The following FAS variants were observed in gnomAD, a reference collection of about 807,000 sequenced individuals.
FAS encodes tumor necrosis factor receptor superfamily member 6.
In FAS, 5 loss-of-function variants were observed where a neutral mutation model predicts 33.2. That is an observed-to-expected ratio of 0.15 (90% CI 0.08 to 0.32). The LOEUF is 0.32. FAS is among the 10% of genes least tolerant of loss of function. FAS has a pLI of 1.00. For missense variants in FAS, 339 were observed against 386.0 expected, an observed-to-expected ratio of 0.88 and a Z score of 1.02; for synonymous variants, 131 against 130.7, an observed-to-expected ratio of 1.00 and a Z score of -0.01.
At chr10:89,012,283 T>C (rs1848572309) in intron 7 of FAS, 1 of 522,228 alleles carries the variant, frequency 1.9e-6, no homozygotes, top group Non-Finnish European at 3.5e-6. Flanking sequence ...GCTCAAGTGA[T>C]CCTCCTGCCT....
chr10:88,982,998 A>G (rs1846747792), upstream of FAS, among the ~76,000 whole-genome samples: 1 of 152,190 alleles, frequency 6.6e-6, no homozygotes. Flanking sequence ...TGGCATCAAC[A>G]TCACATGGGA....
chr10:88,994,409 T>G (rs543315684), intron 1 of FAS, among the ~76,000 whole-genome samples: 1 of 152,356 alleles, frequency 6.6e-6, no homozygotes, highest in African/African-American at 2.4e-5. Flanking sequence ...ACTATTTACT[T>G]ATGATGAAAA....
intron 1 of FAS, among the ~76,000 whole-genome samples, chr10:88,999,175 A>AAAAAG: frequency 9.6e-6 from 1 of 104,036 alleles, no homozygotes; most frequent in South Asian, 3.3e-4. Context: ...AAATAAATAA[A>AAAAAG]ATAAAATAAA....
intron 2 of FAS, 48 bp from the exon 3 acceptor site, chr10:89,007,652 A>G: frequency 1.2e-6 from 2 of 1,604,940 alleles, no homozygotes; most frequent in Non-Finnish European, 1.7e-6. Flanking sequence ...CCACCCTGTT[A>G]CCTGCCCGTG....
rs117347262 is a variant in FAS, at chr10:88,981,125, G to A, written n.260+7778G>A. 4.0e-3 allele frequency among the ~76,000 whole-genome samples: 615 copies of A among 152,282 alleles called. 4 individuals are homozygous for A. The highest frequency in any genetic ancestry group is 0.014 in the African/African-American group (583 of 41,578). ...GGCCCAGCAATATCCAAGAGAGAGC[G>A]GGGCCAGTCCACAGGGTGTTCAGTG... is the stretch of plus-strand genomic sequence containing the variant. On this transcript the variant is annotated intron_variant and non_coding_transcript_variant, in intron 2 of 3. Coordinates refer to the FAS transcript ENST00000688239.
At chr10:89,012,813 C>T (rs1848598613) in intron 7 of FAS, 1 of 153,448 alleles carries the variant, frequency 6.5e-6, no homozygotes, top group African/African-American at 2.4e-5. Flanking sequence ...TATGTCTCAC[C>T]ATATCTTTTC....
chr10:88,982,464 T>G (rs932178333), upstream of FAS, among the ~76,000 whole-genome samples: 2 of 151,910 alleles, frequency 1.3e-5, no homozygotes, highest in African/African-American at 4.8e-5. Context: ...AAGACATAAA[T>G]GGCAGAATAT....
At chr10:88,982,592 G>T (rs984517006), upstream of FAS, among the ~76,000 whole-genome samples, 4 of 152,204 alleles carry the variant, frequency 2.6e-5, no homozygotes, top group African/African-American at 9.7e-5. Flanking sequence ...GAGGGAGTCA[G>T]CAGGCTTCTA....
intron 2 of FAS, among the ~76,000 whole-genome samples, chr10:89,005,204 GAAA>G (rs1156694124): frequency 1.3e-5 from 2 of 149,050 alleles, no homozygotes; most frequent in Admixed American, 6.7e-5. Flanking sequence ...GGAGGGAGGA[GAAA>G]AAAAGAAAGA....
At chr10:89,010,671 A>G in intron 5 of FAS, 71 bp downstream of exon 5, 1 of 1,604,590 alleles carries the variant, frequency 6.2e-7, no homozygotes, top group Non-Finnish European at 8.5e-7. Context: ...AAAACCAATC[A>G]CTCTTGATTA....
Position 89,014,915 on chromosome 10 carries a change from T to G in FAS, c.*465T>G. The G allele has an allele frequency of 3.7e-6, 2 of 535,256 alleles. No individual in the cohort carries two copies. Among genetic ancestry groups the G allele is most frequent in the Non-Finnish European group, 7.2e-6 (2 of 277,054 alleles). 33.2% of individuals were successfully genotyped at this position (535,256 alleles called of 1,614,324 possible). A position where few individuals can be genotyped will look rare whatever the true frequency, so the allele number is the denominator to read the frequency against. On this transcript the variant is annotated 3_prime_UTR_variant, in exon 9 of 9. Transcript: ENST00000652046. ...ATTACCTCTGATAATTCTAGAGATT[T>G]TACCATATTTCTAAACTTTGTTTAT... is the stretch of plus-strand genomic sequence containing the variant.
In FAS at chr10:89,016,679, C is replaced by T. The variant is rs1277660493; in HGVS notation, c.*2229C>T. On this transcript the variant is annotated 3_prime_UTR_variant, in exon 9 of 9. Coordinates refer to ENST00000652046, the MANE Select transcript of FAS (RefSeq NM_000043.6). ...TGACCCCACGGTCCAGAATCATCCT[C>T]ATTCTGGTGAACCTGGTTCTCTTTG... The T allele has an allele frequency of 4.0e-5, 9 of 223,846 alleles. No homozygotes were observed. Among genetic ancestry groups the T allele is most frequent in the East Asian group, 1.9e-4 (3 of 15,596 alleles). The allele number at this position is 223,846 out of a possible 1,614,324, so 13.9% of individuals were successfully genotyped here. A position where few individuals can be genotyped will look rare whatever the true frequency, so the allele number is the denominator to read the frequency against.
rs370162732 is a variant in FAS, at chr10:89,003,197, A to C, written c.196+3A>C. On this transcript the variant is annotated splice_donor_region_variant and intron_variant, in intron 2 of 8. Transcript: ENST00000652046. ...CTGCCATAAGCCCTGTCCTCCAGGT[A>C]TGTTACACAAAACATCCAGAGATTA... The C allele has an allele frequency of 2.5e-6, 4 of 1,613,958 alleles. No homozygotes were observed. The African/African-American group carries it at 5.3e-5, about 22-fold the overall frequency.
chr10:89,007,941 C>A, intron 3 of FAS, 104 bp downstream of exon 3: 1 of 1,555,082 alleles, frequency 6.4e-7, no homozygotes, highest in Non-Finnish European at 8.8e-7. Flanking sequence ...GCTATGTTGA[C>A]ACACAGGAAA....
chr10:89,003,695 A>G (rs1376498071), intron 2 of FAS, among the ~76,000 whole-genome samples: 1 of 152,250 alleles, frequency 6.6e-6, no homozygotes, highest in Non-Finnish European at 1.5e-5. Flanking sequence ...AGCAACAGGC[A>G]GAAACCAACA....
At position 89,009,321 on chromosome 10, in the gene FAS, G is replaced by A. The variant is rs569749459; in HGVS notation, c.443+324G>A. On this transcript the variant is annotated intron_variant, in intron 4 of 8. Coordinates refer to ENST00000652046, the MANE Select transcript of FAS (RefSeq NM_000043.6). ...GCATCAGAAGAGACTTATGTTCCAG[G>A]TGTTACAAATTATACAGAAAAACTT... Among the ~76,000 whole-genome samples the A allele has an allele frequency of 2.0e-5, 3 of 152,354 alleles. No individual in the cohort carries two copies. In the East Asian group the frequency reaches 5.8e-4, roughly 29 times the overall value.
intron 1 of FAS, among the ~76,000 whole-genome samples, chr10:88,999,192 T>TA (rs60942893): frequency 0.5 from 73,477 of 146,884 alleles, 19,336 homozygotes; most frequent in Non-Finnish European, 0.56. Context: ...TAAAATAAAA[T>TA]AAAATCTCAC....
chr10:88,970,098 C>T (rs1321998462), intron 1 of FAS, among the ~76,000 whole-genome samples: 3 of 152,150 alleles, frequency 2.0e-5, no homozygotes, highest in Admixed American at 6.5e-5. Flanking sequence ...AATATTCAAG[C>T]AGTCCATAAA....
intron 2 of FAS, among the ~76,000 whole-genome samples, chr10:89,004,628 C>T (rs377400522): frequency 6.6e-6 from 1 of 150,946 alleles, no homozygotes; most frequent in East Asian, 1.9e-4. Flanking sequence ...ATTTCATTAT[C>T]AATATGATGT....
Sources: gnomAD v4.1 joint callset for allele counts (sites outside exome capture counted in the v4.1 genomes callset) on GRCh38, gnomAD v4.1.1 for gene constraint, MANE v1.5 for transcripts, NCBI Gene and HGNC (gene_info 2026-07-23, HGNC 2026-07-21) for gene names.